TMEM181: variants seen among roughly 807,000 people sequenced by gnomAD.
The protein encoded by TMEM181 is G protein-coupled receptor 178.
Under a neutral mutation model 71.9 loss-of-function variants are expected in TMEM181, and 39 were observed. The observed-to-expected ratio is 0.54, with a 90% CI of 0.42 to 0.71. The LOEUF (loss-of-function observed/expected upper bound fraction) is 0.71. Ranked by LOEUF, TMEM181 falls within the 30% of genes least tolerant of loss-of-function variation. The pLI is 0.00. For missense variants in TMEM181, 595 were observed against 583.0 expected (o/e 1.02, Z -0.21); for synonymous variants, 245 against 228.8 (o/e 1.07, Z -0.64).
chr6:158,610,959 G>A (rs549940821), intron 10 of TMEM181: 18 of 364,996 alleles, frequency 4.9e-5, no homozygotes, highest in Admixed American at 4.8e-4. Flanking sequence ...TCTGACCGTG[G>A]AGATCTCCAG....
At chr6:158,598,076 T>C (rs1365045916) in intron 6 of TMEM181, among the ~76,000 whole-genome samples, 1 of 152,232 alleles carries the variant, frequency 6.6e-6, no homozygotes, top group Admixed American at 6.5e-5. Context: ...CTGGCACTTG[T>C]GGGATGACGC....
At chr6:158,571,558 A>C (rs1782847064) in intron 1 of TMEM181, among the ~76,000 whole-genome samples, 1 of 151,442 alleles carries the variant, frequency 6.6e-6, no homozygotes, top group South Asian at 2.1e-4. Context: ...TTGGCCTCCC[A>C]AAGTGCTGGG....
chr6:158,566,390 C>T (rs1023474679), intron 1 of TMEM181, among the ~76,000 whole-genome samples: 27 of 151,612 alleles, frequency 1.8e-4, no homozygotes, highest in African/African-American at 6.5e-4. Flanking sequence ...AGCAGTGTGT[C>T]CCAGGATGAT....
Position 158,544,182 on chromosome 6 carries a change from A to AGAGAGAGAGTGTGTGT in TMEM181, c.131+7318_131+7319insAGAGAGAGTGTGTGTG, listed in dbSNP as rs149735409. Among the ~76,000 whole-genome samples, 1,001 of 127,628 alleles carry AGAGAGAGAGTGTGTGT rather than the reference A, an allele frequency of 7.8e-3. 13 individuals carry two copies. Among genetic ancestry groups the AGAGAGAGAGTGTGTGT allele is most frequent in the Middle Eastern group, 0.016 (4 of 258 alleles). The allele number at this position is 127,628 out of a possible 152,430, so 83.7% of individuals were successfully genotyped here. A position where few individuals can be genotyped will look rare whatever the true frequency, so the allele number is the denominator to read the frequency against. ...GGTTTCTCAGGTGCAAATTGGAGAG[A>AGAGAGAGAGTGTGTGT]GTGTGTGTGTGTGTGTGTGTGTGTG... On this transcript the variant is annotated intron_variant, in intron 1 of 16. Transcript: ENST00000367090.
intron 6 of TMEM181, among the ~76,000 whole-genome samples, chr6:158,592,843 G>A (rs1039585436): frequency 3.3e-5 from 5 of 152,026 alleles, no homozygotes; most frequent in African/African-American, 9.7e-5. Flanking sequence ...ACTTGAGCCT[G>A]GGAGTTTGAG....
intron 10 of TMEM181, among the ~76,000 whole-genome samples, chr6:158,609,112 A>G (rs1400094011): frequency 6.6e-6 from 1 of 151,358 alleles, no homozygotes; most frequent in South Asian, 2.1e-4. Context: ...AAAAAAAAAA[A>G]GGTGAAAAGG....
intron 10 of TMEM181, among the ~76,000 whole-genome samples, chr6:158,616,599 C>T (rs1387987350): frequency 1.3e-5 from 2 of 152,170 alleles, no homozygotes; most frequent in African/African-American, 4.8e-5. Context: ...TTTGCCCATT[C>T]AGTATGATAT....
intron 6 of TMEM181, among the ~76,000 whole-genome samples, chr6:158,601,200 C>T (rs777906516): frequency 2.0e-5 from 3 of 152,144 alleles, no homozygotes; most frequent in Admixed American, 6.5e-5. Context: ...GTTTACTGAA[C>T]TTTTGCTGTT....
chr6:158,573,641 G>C, intron 2 of TMEM181, 118 bp downstream of exon 2: 2 of 832,360 alleles, frequency 2.4e-6, no homozygotes, highest in Admixed American at 2.3e-5. Context: ...AGCGTGGAGG[G>C]AGAAGTGTCC....
rs781100263 is a variant in TMEM181, at chr6:158,573,511, G to A, written c.100G>A (p.Val34Ile). ...FFICFGLTIF[V>I]GIRGPKVIQT... ...CATCTGCTTTGGCCTGACCATCTTC[G>A]TTGGGATCAGAGGTAAGGTTCGGTT... is the stretch of plus-strand genomic sequence containing the variant. The change falls in exon 2 of 17, where the codon GTT becomes ATT. Residue 34 changes from valine (V) to isoleucine (I), a missense_variant. Physicochemically the swap from Val to Ile is conservative, Grantham distance 29 (BLOSUM62 3). Transcript: ENST00000684151. The A allele has an allele frequency of 1.9e-5, 31 of 1,605,440 alleles. No homozygotes were observed. In the East Asian group the frequency reaches 6.5e-4, roughly 34 times the overall value.
chr6:158,547,459 C>G (rs996883049), intron 1 of TMEM181, among the ~76,000 whole-genome samples: 4 of 152,190 alleles, frequency 2.6e-5, no homozygotes, highest in African/African-American at 9.6e-5. Context: ...TTCGTCTCAT[C>G]TGTCCTGGGG....
intron 13 of TMEM181, 75 bp from the exon 14 acceptor site, chr6:158,628,333 A>AAC: frequency 7.2e-7 from 1 of 1,388,970 alleles, no homozygotes. Context: ...GAATGGGGTG[A>AAC]ATAGAGAATT....
intron 3 of TMEM181, among the ~76,000 whole-genome samples, chr6:158,581,794 C>G (rs994471569): frequency 6.7e-6 from 1 of 149,104 alleles, no homozygotes; most frequent in African/African-American, 2.5e-5. Context: ...TTTTTACCAC[C>G]TTTAGAGAAA....
intron 5 of TMEM181, among the ~76,000 whole-genome samples, chr6:158,587,704 A>G (rs1439783428): frequency 6.6e-6 from 1 of 151,232 alleles, no homozygotes; most frequent in East Asian, 1.9e-4. Flanking sequence ...CACGCCTTGC[A>G]GGTGGGAAAG....
intron 10 of TMEM181, among the ~76,000 whole-genome samples, chr6:158,616,869 C>G (rs1322368552): frequency 6.6e-6 from 1 of 152,172 alleles, no homozygotes; most frequent in Non-Finnish European, 1.5e-5. Flanking sequence ...TTTTGATGTG[C>G]TGCTGGATTC....
chr6:158,593,728 TTC>T (rs1784237018), intron 6 of TMEM181, among the ~76,000 whole-genome samples: 1 of 152,262 alleles, frequency 6.6e-6, no homozygotes, highest in African/African-American at 2.4e-5. Context: ...CCAAATATAA[TTC>T]TTTTTTTTCC....
At chr6:158,567,507 A>G (rs1427634715) in intron 1 of TMEM181, among the ~76,000 whole-genome samples, 1 of 152,174 alleles carries the variant, frequency 6.6e-6, no homozygotes, top group Non-Finnish European at 1.5e-5. Flanking sequence ...GGCAGCCGTG[A>G]GAGATGGAGG....
At chr6:158,629,413 C>T (rs895101399) in intron 14 of TMEM181, among the ~76,000 whole-genome samples, 8 of 152,162 alleles carry the variant, frequency 5.3e-5, no homozygotes, top group African/African-American at 1.9e-4. Context: ...CTGCCCTTTT[C>T]ATGTAACTTG....
chr6:158,569,125 G>A (rs560388206), intron 1 of TMEM181, among the ~76,000 whole-genome samples: 8 of 152,222 alleles, frequency 5.3e-5, no homozygotes, highest in Non-Finnish European at 1.0e-4. Context: ...ACAGGCATGA[G>A]CCATGCTGGG....
Sources: allele counts gnomAD v4.1 joint callset (sites outside exome capture counted in the v4.1 genomes callset), GRCh38; gene constraint gnomAD v4.1.1; transcripts MANE v1.5; gene names NCBI Gene and HGNC (gene_info 2026-07-23, HGNC 2026-07-21).